The following VTA1 variants were observed in gnomAD, a reference collection of about 807,000 sequenced individuals.
VTA1 encodes vacuolar protein sorting-associated protein VTA1 homolog.
A neutral mutation model predicts 36.9 loss-of-function variants in VTA1; 24 were observed. The observed-to-expected ratio is 0.65, with a 90% CI of 0.47 to 0.91. The LOEUF (loss-of-function observed/expected upper bound fraction) is 0.91. Ranked by LOEUF, VTA1 falls within the 40% of genes least tolerant of loss-of-function variation. The pLI is 0.00. For missense variants in VTA1, 393 were observed against 377.2 expected, an observed-to-expected ratio of 1.04 and a Z score of -0.35; for synonymous variants, 142 against 130.2, an observed-to-expected ratio of 1.09 and a Z score of -0.62.
chr6:142,212,311 A>G (rs1267627524), intron 7 of VTA1, among the ~76,000 whole-genome samples: 1 of 152,232 alleles, frequency 6.6e-6, no homozygotes, highest in Admixed American at 6.5e-5. Flanking sequence ...CAGTACATCT[A>G]GACAATGGGA....
chr6:142,181,702 C>G (rs1331625692), intron 4 of VTA1, among the ~76,000 whole-genome samples: 3 of 151,228 alleles, frequency 2.0e-5, no homozygotes, highest in Non-Finnish European at 4.4e-5. Context: ...GTTTGGAAAT[C>G]TTTTGTTTAC....
chr6:142,198,114 T>G (rs1323794748), intron 5 of VTA1, among the ~76,000 whole-genome samples: 1 of 74,062 alleles, frequency 1.4e-5, no homozygotes. Context: ...AATATATATA[T>G]ATATATGTGT....
chr6:142,198,117 ATATGTGTGTGTG>A (rs1460144251), intron 5 of VTA1, among the ~76,000 whole-genome samples: 1 of 78,634 alleles, frequency 1.3e-5, no homozygotes, highest in Admixed American at 1.2e-4. Flanking sequence ...ATATATATAT[ATATGTGTGTGTG>A]TGTGTGTGTG....
At chr6:142,209,531 G>C (rs577226506) in intron 7 of VTA1, among the ~76,000 whole-genome samples, 1 of 150,190 alleles carries the variant, frequency 6.7e-6, no homozygotes, top group East Asian at 2.0e-4. Context: ...ATATTCCATT[G>C]TATATATACA....
At chr6:142,174,950 G>A (rs560638078) in intron 4 of VTA1, among the ~76,000 whole-genome samples, 1 of 152,172 alleles carries the variant, frequency 6.6e-6, no homozygotes, top group Non-Finnish European at 1.5e-5. Context: ...CCAGGCTTAT[G>A]CAGCCTGCGG....
intron 4 of VTA1, among the ~76,000 whole-genome samples, chr6:142,171,885 A>G (rs1420255652): frequency 6.6e-6 from 1 of 152,234 alleles, no homozygotes; most frequent in Non-Finnish European, 1.5e-5. Flanking sequence ...TTGTATAGCA[A>G]AACTGCAAAA....
intron 7 of VTA1, among the ~76,000 whole-genome samples, chr6:142,217,566 A>G (rs2114692020): frequency 6.6e-6 from 1 of 151,588 alleles, no homozygotes; most frequent in East Asian, 1.9e-4. Context: ...GTGTATACAC[A>G]CACGCAGCAT....
At chr6:142,214,599 A>T (rs1775971115) in intron 7 of VTA1, among the ~76,000 whole-genome samples, 1 of 152,206 alleles carries the variant, frequency 6.6e-6, no homozygotes, top group South Asian at 2.1e-4. Flanking sequence ...AAACCATATC[A>T]CACTGTAACA....
At chr6:142,206,003 A>C (rs1173247456) in intron 7 of VTA1, among the ~76,000 whole-genome samples, 33 of 152,216 alleles carry the variant, frequency 2.2e-4, no homozygotes, top group Admixed American at 2.2e-3. Context: ...TACTTCACTC[A>C]GAATGAAATA....
At chr6:142,163,947 A>G (rs550866844) in intron 1 of VTA1, among the ~76,000 whole-genome samples, 121 of 152,312 alleles carry the variant, frequency 7.9e-4, no homozygotes, top group African/African-American at 2.8e-3. Context: ...AAATATCAAT[A>G]TAAATGCTAA....
In VTA1 at chr6:142,181,138, CTT is replaced by C. The variant is rs541820177; in HGVS notation, c.412-8276_412-8275del. On this transcript the variant is annotated intron_variant, in intron 4 of 7. Coordinates refer to ENST00000367630, the MANE Select transcript of VTA1 (RefSeq NM_016485.5). ...ATATACACACACACACACAGACACA[CTT>C]TTTTTTTTTTTGATACGGAGTCTCG... 9.5e-3 allele frequency among the ~76,000 whole-genome samples: 1,007 copies of C among 106,496 alleles called. 22 individuals carry two copies. Among genetic ancestry groups the C allele is most frequent in the African/African-American group, 0.03 (954 of 31,748 alleles). The allele number at this position is 106,496 out of a possible 152,430, so 69.9% of individuals were successfully genotyped here. A position where few individuals can be genotyped will look rare whatever the true frequency, so the allele number is the denominator to read the frequency against.
rs1776076183 is a variant in VTA1, at chr6:142,219,995, T to C, written c.*1352T>C. On this transcript the variant is annotated 3_prime_UTR_variant, in exon 8 of 8. Transcript: ENST00000367630. The stretch of plus-strand genomic sequence containing the variant: ...GAAAAAGTTAAGACACCTAGTCTAA[T>C]GGCCTTTTGGGAAAAAACAAATCAC... The C allele has an allele frequency of 6.6e-6, 1 of 152,222 alleles. No homozygotes were observed. Among genetic ancestry groups the C allele is most frequent in the African/African-American group, 2.4e-5 (1 of 41,460 alleles). 9.4% of individuals were successfully genotyped at this position (152,222 alleles called of 1,614,324 possible). A position where few individuals can be genotyped will look rare whatever the true frequency, so the allele number is the denominator to read the frequency against.
intron 7 of VTA1, among the ~76,000 whole-genome samples, chr6:142,213,543 C>T (rs1025578189): frequency 6.6e-6 from 1 of 152,258 alleles, no homozygotes; most frequent in Non-Finnish European, 1.5e-5. Context: ...TCCAACCCCC[C>T]ATATCTTCTC....
In VTA1 at chr6:142,189,458, G is replaced by C; in HGVS notation, c.444G>C (p.Lys148Asn). ...NVKHRKYARW[K>N]ATYIHNCLKN... ...AACACAGGAAGTATGCCAGATGGAA[G>C]GCAACATACATCCATAATTGTTTAA... The change falls in exon 5 of 8, where the codon AAG becomes AAC. Residue 148 changes from lysine to asparagine, a missense_variant. Physicochemically the swap from Lys to Asn is moderately conservative, Grantham distance 94. Transcript: ENST00000367630. The C allele has an allele frequency of 6.2e-7, 1 of 1,613,972 alleles. No individual in the cohort carries two copies. Among genetic ancestry groups the C allele is most frequent in the South Asian group, 1.1e-5 (1 of 91,052 alleles).
intron 4 of VTA1, among the ~76,000 whole-genome samples, chr6:142,182,633 G>T (rs137875776): frequency 6.6e-6 from 1 of 152,246 alleles, no homozygotes; most frequent in East Asian, 1.9e-4. Context: ...CCAAGGGTTG[G>T]ACCTGACAAC....
chr6:142,153,575 A>G (rs952508836), intron 1 of VTA1, among the ~76,000 whole-genome samples: 18 of 152,016 alleles, frequency 1.2e-4, no homozygotes, highest in African/African-American at 4.3e-4. Flanking sequence ...ACTTTTTAAA[A>G]TTACCTTAAT....
In VTA1 at chr6:142,149,962, T is replaced by TA. The variant is rs1368584228; in HGVS notation, c.112+2564dup. On this transcript the variant is annotated intron_variant, in intron 1 of 7. Coordinates refer to ENST00000367630, the MANE Select transcript of VTA1 (RefSeq NM_016485.5). ...GTCTCTTGATTCTGTCATTTTTTTT[T>TA]ATCTCTTTGTCTTTCTGTGCTGCAT... Among the ~76,000 whole-genome samples the TA allele has an allele frequency of 3.9e-5, 6 of 152,214 alleles. No individual in the cohort carries two copies. In the East Asian group the frequency reaches 9.6e-4, roughly 24 times the overall value.
chr6:142,148,283 C>T (rs1436772559), intron 1 of VTA1, among the ~76,000 whole-genome samples: 1 of 152,170 alleles, frequency 6.6e-6, no homozygotes, highest in African/African-American at 2.4e-5. Context: ...TGCCATACTC[C>T]AAATGTACCC....
intron 7 of VTA1, among the ~76,000 whole-genome samples, chr6:142,209,774 A>G (rs1001591904): frequency 6.6e-6 from 1 of 152,180 alleles, no homozygotes; most frequent in Non-Finnish European, 1.5e-5. Context: ...AAAAATGGAA[A>G]GATACTCCAT....
Sources: gnomAD v4.1 joint callset for allele counts (sites outside exome capture counted in the v4.1 genomes callset) on GRCh38, gnomAD v4.1.1 for gene constraint, MANE v1.5 for transcripts, NCBI Gene and HGNC (gene_info 2026-07-23, HGNC 2026-07-21) for gene names.